KCNH7: variants seen among roughly 807,000 people sequenced by gnomAD.
KCNH7 encodes potassium voltage-gated channel subfamily H member 7, also known as voltage-gated inwardly rectifying potassium channel KCNH7.
KCNH7 carries 49 observed loss-of-function variants against 120.8 expected under a neutral mutation model. The observed-to-expected ratio is 0.41, with a 90% confidence interval of 0.32 to 0.51. The LOEUF (loss-of-function observed/expected upper bound fraction) is 0.51, where lower values mean the gene tolerates loss of function less well. Ranked by LOEUF, KCNH7 falls within the 20% of genes least tolerant of loss-of-function variation. The pLI is 0.38. For missense variants in KCNH7, 1,097 were observed against 1,446.6 expected (o/e 0.76, Z 3.92); for synonymous variants, 547 against 516.1 (o/e 1.06, Z -0.81).
chr2:162,468,517 T>C (rs1689384974), intron 6 of KCNH7, among the ~76,000 whole-genome samples: 1 of 128,920 alleles, frequency 7.8e-6, no homozygotes, highest in Non-Finnish European at 1.6e-5. Context: ...TTTTCCTTTT[T>C]TTTTTTTTTT....
At chr2:162,535,259 A>G (rs1263679819) in intron 3 of KCNH7, among the ~76,000 whole-genome samples, 6 of 151,768 alleles carry the variant, frequency 4.0e-5, no homozygotes, top group Non-Finnish European at 5.9e-5. Context: ...AGAGAAAACT[A>G]TGAGATGTAC....
intron 2 of KCNH7, among the ~76,000 whole-genome samples, chr2:162,662,215 A>G (rs925568996): frequency 2.6e-5 from 4 of 152,282 alleles, no homozygotes; most frequent in African/African-American, 7.2e-5. Flanking sequence ...GTGAGCCACA[A>G]TCGCGTCACT....
intron 2 of KCNH7, among the ~76,000 whole-genome samples, chr2:162,827,009 A>G (rs994976561): frequency 1.3e-5 from 2 of 152,080 alleles, no homozygotes; most frequent in African/African-American, 4.8e-5. Flanking sequence ...AGGCTATCTC[A>G]GGAAGAAGAA....
chr2:162,572,204 A>G (rs984437070), intron 2 of KCNH7, among the ~76,000 whole-genome samples: 2 of 152,084 alleles, frequency 1.3e-5, no homozygotes, highest in African/African-American at 4.8e-5. Context: ...TTACAAGAAA[A>G]AAATAAACAA....
intron 5 of KCNH7, among the ~76,000 whole-genome samples, chr2:162,506,570 T>C (rs1690889874): frequency 6.6e-6 from 1 of 151,834 alleles, no homozygotes; most frequent in African/African-American, 2.4e-5. Context: ...AGATCAAATA[T>C]ATAGTTAAAT....
At chr2:162,413,468 C>G (rs1428991106) in intron 9 of KCNH7, among the ~76,000 whole-genome samples, 1 of 152,034 alleles carries the variant, frequency 6.6e-6, no homozygotes, top group Admixed American at 6.6e-5. Context: ...ATAGAGCAGC[C>G]TTTAGAGTCT....
At chr2:162,522,901 T>C (rs1212504271) in intron 3 of KCNH7, among the ~76,000 whole-genome samples, 1 of 151,830 alleles carries the variant, frequency 6.6e-6, no homozygotes, top group African/African-American at 2.4e-5. Flanking sequence ...GGACATGTCA[T>C]TTTTGTGAAG....
intron 2 of KCNH7, among the ~76,000 whole-genome samples, chr2:162,807,227 A>G (rs1684571925): frequency 1.5e-5 from 2 of 132,952 alleles, no homozygotes; most frequent in Admixed American, 8.6e-5. Context: ...CCTGGCCAAC[A>G]TGGTGAAAAC....
chr2:162,781,284 A>AT (rs550322724), intron 2 of KCNH7, among the ~76,000 whole-genome samples: 18 of 149,836 alleles, frequency 1.2e-4, no homozygotes, highest in African/African-American at 3.4e-4. Flanking sequence ...ATTATTATTA[A>AT]TTTTTTTTTT....
At chr2:162,606,187 T>A (rs1682760073) in intron 2 of KCNH7, among the ~76,000 whole-genome samples, 1 of 152,150 alleles carries the variant, frequency 6.6e-6, no homozygotes, top group African/African-American at 2.4e-5. Flanking sequence ...AAGAATTCAT[T>A]TCTGTGGCCC....
intron 2 of KCNH7, among the ~76,000 whole-genome samples, chr2:162,673,689 A>G (rs1306613889): frequency 6.6e-6 from 1 of 152,122 alleles, no homozygotes; most frequent in Non-Finnish European, 1.5e-5. Flanking sequence ...TATATTTGAC[A>G]TACAACAATC....
chr2:162,730,081 TA>T (rs919746509), intron 2 of KCNH7, among the ~76,000 whole-genome samples: 31 of 139,004 alleles, frequency 2.2e-4, no homozygotes, highest in African/African-American at 4.2e-4. Flanking sequence ...GTAATAAAAG[TA>T]AAAAAAAAAG....
intron 6 of KCNH7, among the ~76,000 whole-genome samples, chr2:162,485,520 A>G (rs1443039808): frequency 6.6e-6 from 1 of 152,196 alleles, no homozygotes; most frequent in Non-Finnish European, 1.5e-5. Flanking sequence ...GCTAAAATTA[A>G]AGGAAACTCT....
At chr2:162,428,452 G>GC (rs1407006598) in intron 8 of KCNH7, among the ~76,000 whole-genome samples, 1 of 151,746 alleles carries the variant, frequency 6.6e-6, no homozygotes, top group Non-Finnish European at 1.5e-5. Flanking sequence ...TTGTAGCCCA[G>GC]CATATGGCTT....
chr2:162,471,482 T>G (rs1379396170), intron 6 of KCNH7, among the ~76,000 whole-genome samples: 1 of 152,108 alleles, frequency 6.6e-6, no homozygotes, highest in Non-Finnish European at 1.5e-5. Flanking sequence ...ATGGTGTGGG[T>G]GAAGAGGTCT....
At chr2:162,688,474 C>G (rs1472416606) in intron 2 of KCNH7, among the ~76,000 whole-genome samples, 2 of 152,052 alleles carry the variant, frequency 1.3e-5, no homozygotes, top group African/African-American at 2.4e-5. Context: ...AAATAGGGAA[C>G]CCAAAAAGGT....
intron 9 of KCNH7, among the ~76,000 whole-genome samples, chr2:162,405,461 G>T (rs931751824): frequency 9.9e-5 from 15 of 151,882 alleles, no homozygotes; most frequent in African/African-American, 3.6e-4. Context: ...AAAAATGAAA[G>T]TAGTATTTCA....
chr2:162,666,024 T>A (rs988954306), intron 2 of KCNH7, among the ~76,000 whole-genome samples: 6 of 152,192 alleles, frequency 3.9e-5, no homozygotes, highest in Admixed American at 6.5e-5. Flanking sequence ...AATTATATTC[T>A]TTATTTTAGT....
intron 3 of KCNH7, among the ~76,000 whole-genome samples, chr2:162,520,242 C>G (rs1286266526): frequency 7.2e-6 from 1 of 138,444 alleles, no homozygotes; most frequent in Non-Finnish European, 1.5e-5. Flanking sequence ...ATTCTAGATA[C>G]TGTTCTCTCT....
Sources: gnomAD v4.1 joint callset for allele counts (sites outside exome capture counted in the v4.1 genomes callset) on GRCh38, gnomAD v4.1.1 for gene constraint, MANE v1.5 for transcripts, NCBI Gene and HGNC (gene_info 2026-07-23, HGNC 2026-07-21) for gene names.